Variants in APC observed in about 807,000 individuals in gnomAD.
The protein encoded by APC is adenomatous polyposis coli protein.
In APC, 72 loss-of-function variants were observed where a neutral mutation model predicts 247.0. The observed-to-expected ratio is 0.29, with a 90% CI of 0.24 to 0.35. The LOEUF is 0.35. Ranked by LOEUF, APC falls within the 10% of genes least tolerant of loss-of-function variation. APC has a pLI of 1.00. For synonymous variants in APC, 1,254 were observed against 1,162.5 expected, an observed-to-expected ratio of 1.08 and a Z score of -1.60; for missense variants, 3,400 against 3,360.7, an observed-to-expected ratio of 1.01 and a Z score of -0.29.
chr5:112,809,783 C>T (rs927972561), intron 8 of APC, among the ~76,000 whole-genome samples: 7 of 152,094 alleles, frequency 4.6e-5, no homozygotes, highest in African/African-American at 1.7e-4. Flanking sequence ...GGGCGGATCA[C>T]GAGGTCAGGA....
chr5:112,783,099 T>A (rs1478515311), intron 6 of APC, among the ~76,000 whole-genome samples: 11 of 152,190 alleles, frequency 7.2e-5, no homozygotes, highest in Non-Finnish European at 1.6e-4. Flanking sequence ...TGTGAGCTTT[T>A]TTTTAGAGAG....
rs138794505 is a variant in APC, at chr5:112,772,732, G to A, written c.423-2897G>A. 3.7e-3 allele frequency among the ~76,000 whole-genome samples: 570 copies of A among 152,128 alleles called. 8 individuals carry two copies. The highest frequency in any genetic ancestry group is 0.013 in the African/African-American group (545 of 41,502). On this transcript the variant is annotated intron_variant, in intron 4 of 15. Transcript: ENST00000257430. ...GGGTTTCACCATGTTGGCCAGGCTG[G>A]TCTCGAACTCCTGACTTCAAGTGAT... is the stretch of plus-strand genomic sequence containing the variant.
chr5:112,792,633 C>T (rs1042157045), intron 7 of APC, 104 bp downstream of exon 7: 2 of 813,392 alleles, frequency 2.5e-6, no homozygotes, highest in African/African-American at 3.5e-5. Flanking sequence ...TATAGATGTT[C>T]TTTCAGAGAA....
At chr5:112,817,642 A>G (rs1006716157) in intron 9 of APC, among the ~76,000 whole-genome samples, 2 of 152,226 alleles carry the variant, frequency 1.3e-5, no homozygotes, top group African/African-American at 2.4e-5. Flanking sequence ...TGGCAATTAG[A>G]ATACTGTTTC....
At chr5:112,798,394 C>G (rs555628411) in intron 7 of APC, among the ~76,000 whole-genome samples, 9 of 152,254 alleles carry the variant, frequency 5.9e-5, no homozygotes, top group African/African-American at 2.2e-4. Context: ...TAGTGGTTGT[C>G]TGACTGTAAG....
intron 2 of APC, 115 bp downstream of exon 2, chr5:112,755,140 T>G: frequency 1.4e-6 from 2 of 1,423,548 alleles, no homozygotes; most frequent in Non-Finnish European, 1.9e-6. Flanking sequence ...AGCAATAATA[T>G]GTAAACTCTT....
intron 1 of APC, among the ~76,000 whole-genome samples, chr5:112,721,292 T>TAA (rs1751469016): frequency 6.6e-6 from 1 of 152,068 alleles, no homozygotes; most frequent in South Asian, 2.1e-4. Context: ...CGTGTGCCTG[T>TAA]AATCCCAGCT....
chr5:112,834,183 C>T (rs983227004), intron 14 of APC, among the ~76,000 whole-genome samples: 5 of 151,042 alleles, frequency 3.3e-5, no homozygotes, highest in Non-Finnish European at 5.9e-5. Flanking sequence ...CTCCCAGTCA[C>T]GCCAGTCAGC....
In APC at chr5:112,842,443, C is replaced by T. The variant is rs771626604; in HGVS notation, c.6849C>T (p.Ser2283=). ...AGCCATCTGTGAAATCAGAATTAAG[C>T]CCTGTTGCCAGGCAGACATCCCAAA... The part of the protein sequence containing the change: ...GAKPSVKSEL[S]PVARQTSQIG... The change falls in exon 16 of 16, where the codon AGC becomes AGT. Residue 2283 remains serine (S), a synonymous_variant. Transcript: ENST00000257430. 1 of 1,613,930 alleles carries T rather than the reference C, an allele frequency of 6.2e-7. No individual in the cohort carries two copies. Among genetic ancestry groups the T allele is most frequent in the Non-Finnish European group, 8.5e-7 (1 of 1,179,872 alleles).
chr5:112,817,769 T>C (rs1376886343), intron 9 of APC, among the ~76,000 whole-genome samples: 1 of 152,198 alleles, frequency 6.6e-6, no homozygotes, highest in Non-Finnish European at 1.5e-5. Flanking sequence ...CCTTGTTAGG[T>C]AGGTAAATTT....
intron 11 of APC, among the ~76,000 whole-genome samples, chr5:112,823,882 C>G (rs896391040): frequency 6.6e-5 from 10 of 152,068 alleles, no homozygotes; most frequent in Non-Finnish European, 1.3e-4. Flanking sequence ...CAAACAGAAT[C>G]TCCAGGGGAA....
At chr5:112,723,809 G>A (rs903666740) in intron 1 of APC, among the ~76,000 whole-genome samples, 4 of 152,128 alleles carry the variant, frequency 2.6e-5, no homozygotes, top group Non-Finnish European at 5.9e-5. Context: ...TATTGCTCTA[G>A]TATAAGAGTT....
chr5:112,802,622 A>T (rs569231565), intron 8 of APC, among the ~76,000 whole-genome samples: 9 of 152,264 alleles, frequency 5.9e-5, no homozygotes, highest in African/African-American at 1.9e-4. Context: ...ATAAATTCTA[A>T]GTAGATTAGA....
At chr5:112,737,662 A>G (rs1581059560), upstream of APC, among the ~76,000 whole-genome samples, 1 of 152,080 alleles carries the variant, frequency 6.6e-6, no homozygotes, top group African/African-American at 2.4e-5. Context: ...GCGAGGGCAT[A>G]CCCCCGAGGG....
At chr5:112,789,203 A>G (rs1048257418) in intron 6 of APC, among the ~76,000 whole-genome samples, 4 of 152,232 alleles carry the variant, frequency 2.6e-5, no homozygotes, top group African/African-American at 7.2e-5. Flanking sequence ...TAACTTCACA[A>G]ATATTCTTGT....
rs180977047 is a variant in APC at position 112,762,183 on chromosome 5, A to G, written c.136-4143A>G. 7.4e-4 allele frequency among the ~76,000 whole-genome samples: 113 copies of G among 152,332 alleles called. 1 individual carries two copies. The highest frequency in any genetic ancestry group is 2.6e-3 in the African/African-American group (107 of 41,572). ...TTGGCATCAGGGAAATGCAAAGACT[A>G]TTTCACTCCTACTCAAATGACTGAT... On this transcript the variant is annotated intron_variant, in intron 2 of 15. Transcript: ENST00000257430.
Position 112,842,336 on chromosome 5 carries a change from A to G in APC, c.6742A>G (p.Lys2248Glu). Residue 2248 changes from lysine (K) to glutamate (E), a missense_variant, in exon 16 of 16, where the codon AAA becomes GAA. By Grantham distance (56) the Lys-to-Glu change is moderately conservative (BLOSUM62 1). This residue lies in a region of APC where 1,788 missense variants were observed against 1,649.5 expected (regional missense o/e 1.08). Coordinates refer to ENST00000257430, the MANE Select transcript of APC (RefSeq NM_000038.6). Reference sequence around the variant, plus strand: ...CTCCTCAAGTACAAGTCCTGTTTCTAAAAAAGGCCCACCCCTTAAGACTCC... The same window carrying G: ...CTCCTCAAGTACAAGTCCTGTTTCTGAAAAAGGCCCACCCCTTAAGACTCC... ...NSSSSTSPVS[K>E]KGPPLKTPAS... The G allele has an allele frequency of 1.2e-6, 2 of 1,613,588 alleles. No homozygotes were observed. Among genetic ancestry groups the G allele is most frequent in the Non-Finnish European group, 1.7e-6 (2 of 1,179,608 alleles).
At position 112,814,453 on chromosome 5, in the gene APC, C is replaced by G. The variant is rs1399507398; in HGVS notation, c.835-1042C>G. 2.0e-5 allele frequency among the ~76,000 whole-genome samples: 3 copies of G among 152,284 alleles called. No homozygotes were observed. In the East Asian group the frequency reaches 5.8e-4, roughly 29 times the overall value. The stretch of plus-strand genomic sequence containing the variant: ...ACCCATTTATCCAAGCTTGACACCT[C>G]CAAGTTGTCCTCGACTCCCAGCCCC... On this transcript the variant is annotated intron_variant, in intron 8 of 15. Coordinates refer to ENST00000257430, the MANE Select transcript of APC (RefSeq NM_000038.6).
intron 12 of APC, 83 bp downstream of exon 12, chr5:112,827,330 C>CT: frequency 2.0e-5 from 30 of 1,496,040 alleles, no homozygotes; most frequent in South Asian, 3.4e-5. Flanking sequence ...TACTGATTTT[C>CT]TTTTTTTTCA....
Sources: gnomAD v4.1 joint callset for allele counts (sites outside exome capture counted in the v4.1 genomes callset) on GRCh38, gnomAD v4.1.1 for gene constraint, gnomAD v4.1.1 regional missense constraint, MANE v1.5 for transcripts, NCBI Gene and HGNC (gene_info 2026-07-23, HGNC 2026-07-21) for gene names.